The following CACNA1S variants were observed in gnomAD, a reference collection of about 807,000 sequenced individuals.
CACNA1S encodes voltage-dependent L-type calcium channel subunit alpha-1S.
Under a neutral mutation model 207.4 loss-of-function variants are expected in CACNA1S, and 126 were observed. That is an observed-to-expected ratio of 0.61 (90% confidence interval 0.53 to 0.70). The LOEUF (loss-of-function observed/expected upper bound fraction) is 0.70. Ranked by LOEUF, CACNA1S falls within the 30% of genes least tolerant of loss-of-function variation. The pLI, the probability that CACNA1S is intolerant of heterozygous loss-of-function variation, is 0.00. For missense variants in CACNA1S, 2,349 were observed against 2,422.8 expected (o/e 0.97, Z 0.64); for synonymous variants, 960 against 932.7 (o/e 1.03, Z -0.53).
intron 5 of CACNA1S, among the ~76,000 whole-genome samples, chr1:201,090,373 G>A (rs1662180307): frequency 6.6e-6 from 1 of 152,214 alleles, no homozygotes; most frequent in African/African-American, 2.4e-5. Flanking sequence ...ATAGGATGTA[G>A]ATTGTGGTGG....
intron 29 of CACNA1S, among the ~76,000 whole-genome samples, chr1:201,054,263 C>G (rs1466048375): frequency 6.6e-6 from 1 of 152,170 alleles, no homozygotes; most frequent in Non-Finnish European, 1.5e-5. Context: ...ATAGAGGGTG[C>G]CAGAGAGAAC....
chr1:201,105,081 G>A (rs1662826926), intron 2 of CACNA1S, among the ~76,000 whole-genome samples: 1 of 152,250 alleles, frequency 6.6e-6, no homozygotes, highest in Non-Finnish European at 1.5e-5. Context: ...GGAGGACTGG[G>A]GAGGGGTGAT....
At chr1:201,074,001 T>C (rs1172154644) in intron 14 of CACNA1S, among the ~76,000 whole-genome samples, 1 of 152,188 alleles carries the variant, frequency 6.6e-6, no homozygotes, top group Non-Finnish European at 1.5e-5. Context: ...TGAACTCCAT[T>C]GCTGGTCCCT....
At chr1:201,069,289 C>A (rs1661365130) in intron 18 of CACNA1S, 93 bp from the exon 19 acceptor site, 5 of 1,442,514 alleles carry the variant, frequency 3.5e-6, no homozygotes, top group African/African-American at 1.4e-5. Flanking sequence ...CAGTCAGAGC[C>A]ATTCTGTGCC....
At chr1:201,085,302 T>C in intron 8 of CACNA1S, 134 bp downstream of exon 8, 1 of 1,232,110 alleles carries the variant, frequency 8.1e-7, no homozygotes, top group Non-Finnish European at 1.2e-6. Context: ...TTTTGAGCCA[T>C]TTTGCTTTAG....
At chr1:201,106,773 C>T (rs1662909598) in intron 2 of CACNA1S, among the ~76,000 whole-genome samples, 1 of 152,168 alleles carries the variant, frequency 6.6e-6, no homozygotes, top group South Asian at 2.1e-4. Flanking sequence ...AGGCATCTCC[C>T]CTTCACTCAG....
rs1660569500 is a variant in CACNA1S, at chr1:201,049,118, A to T, written c.4242-19T>A. ...TCTCCCCCTGCGGGAGGACACACAGACTTGTGTACCTGCTACCCTCCTCCG... is the reference window on the plus strand; with the variant it reads ...TCTCCCCCTGCGGGAGGACACACAGTCTTGTGTACCTGCTACCCTCCTCCG... On this transcript the variant is annotated intron_variant, in intron 34 of 43. Coordinates refer to ENST00000362061, the MANE Select transcript of CACNA1S (RefSeq NM_000069.3). 3 of 1,565,556 alleles carry T rather than the reference A, an allele frequency of 1.9e-6. No homozygotes were observed. Among genetic ancestry groups the T allele is most frequent in the Non-Finnish European group, 2.6e-6 (3 of 1,142,416 alleles).
intron 7 of CACNA1S, among the ~76,000 whole-genome samples, chr1:201,087,395 G>A (rs1390257142): frequency 6.6e-6 from 1 of 152,140 alleles, no homozygotes; most frequent in Non-Finnish European, 1.5e-5. Context: ...TTAACCGAAA[G>A]CCCCACCGCC....
At chr1:201,054,596 A>T (rs1392656060) in intron 28 of CACNA1S, 35 bp from the exon 29 acceptor site, 4 of 1,559,964 alleles carry the variant, frequency 2.6e-6, no homozygotes, top group Non-Finnish European at 2.6e-6. Flanking sequence ...GGGGAAGGAG[A>T]GGAGAGAGAG....
At chr1:201,085,322 T>C in intron 8 of CACNA1S, 114 bp downstream of exon 8, 5 of 1,420,564 alleles carry the variant, frequency 3.5e-6, no homozygotes, top group Non-Finnish European at 5.0e-6. Flanking sequence ...GGCAAGTCAC[T>C]CACCCTCAAA....
At chr1:201,061,880 A>G in intron 24 of CACNA1S, 64 bp downstream of exon 24, 2 of 1,589,142 alleles carry the variant, frequency 1.3e-6, no homozygotes, top group Non-Finnish European at 1.7e-6. Context: ...GCAGAAGGGC[A>G]GGCTGGCTGC....
At chr1:201,069,666 C>T in intron 17 of CACNA1S, 65 bp from the exon 18 acceptor site, 1 of 1,539,698 alleles carries the variant, frequency 6.5e-7, no homozygotes, top group Non-Finnish European at 8.8e-7. Flanking sequence ...CCTCATCAGC[C>T]TCCATCCTGC....
chr1:201,048,186 G>A (rs1660533727), intron 36 of CACNA1S, among the ~76,000 whole-genome samples: 1 of 152,198 alleles, frequency 6.6e-6, no homozygotes, highest in South Asian at 2.1e-4. Flanking sequence ...CACCATGCTT[G>A]TCTTCCCAGT....
intron 18 of CACNA1S, 79 bp from the exon 19 acceptor site, chr1:201,069,275 C>G (rs1238425954): frequency 1.3e-6 from 2 of 1,484,364 alleles, no homozygotes; most frequent in African/African-American, 1.4e-5. Flanking sequence ...CAGCATAAAG[C>G]AGGCAGTCAG....
intron 2 of CACNA1S, among the ~76,000 whole-genome samples, chr1:201,095,611 T>G: frequency 6.6e-6 from 1 of 152,210 alleles, no homozygotes; most frequent in East Asian, 1.9e-4. Flanking sequence ...ATACAAGGAC[T>G]AGACTTGCTT....
intron 14 of CACNA1S, 150 bp from the exon 15 acceptor site, chr1:201,073,792 G>A: frequency 1.3e-6 from 1 of 769,882 alleles, no homozygotes; most frequent in Admixed American, 1.8e-5. Flanking sequence ...AGGGCAGTGG[G>A]CTCAGGCAAG....
chr1:201,065,149 G>A (rs1661197792), intron 22 of CACNA1S, among the ~76,000 whole-genome samples: 1 of 152,254 alleles, frequency 6.6e-6, no homozygotes, highest in Non-Finnish European at 1.5e-5. Flanking sequence ...AGAGGCCCGG[G>A]ATGGATGTCA....
At chr1:201,054,346 C>A (rs537903408) in intron 29 of CACNA1S, among the ~76,000 whole-genome samples, 159 bp downstream of exon 29, 9 of 152,320 alleles carry the variant, frequency 5.9e-5, no homozygotes, top group African/African-American at 1.2e-4. Flanking sequence ...CCTCTGCCCC[C>A]ACCCGAGCCT....
chr1:201,099,414 G>A (rs1203576651), intron 2 of CACNA1S, among the ~76,000 whole-genome samples: 1 of 152,006 alleles, frequency 6.6e-6, no homozygotes, highest in African/African-American at 2.4e-5. Flanking sequence ...GCAGTTGAAG[G>A]GCTCCCTGGG....
Sources: allele counts gnomAD v4.1 joint callset (sites outside exome capture counted in the v4.1 genomes callset), GRCh38; gene constraint gnomAD v4.1.1; transcripts MANE v1.5; gene names NCBI Gene and HGNC (gene_info 2026-07-23, HGNC 2026-07-21).